R3HDM2: variants seen among roughly 807,000 people sequenced by gnomAD.
R3HDM2 encodes the protein R3H domain-containing protein 2.
Under a neutral mutation model 124.5 loss-of-function variants are expected in R3HDM2, and 38 were observed. The observed-to-expected ratio is 0.31, with a 90% CI of 0.24 to 0.40. R3HDM2 has a LOEUF of 0.40. R3HDM2 is among the 10% of genes least tolerant of loss of function. The probability of loss-of-function intolerance (pLI) is 1.00; values close to 1 mark genes in which losing one functional copy is unlikely to be tolerated. For synonymous variants in R3HDM2, 391 were observed against 448.0 expected (o/e 0.87, Z 1.61); for missense variants, 869 against 1,236.9 (o/e 0.70, Z 4.46).
chr12:57,294,328 C>T (rs2049270907), intron 10 of R3HDM2, among the ~76,000 whole-genome samples: 1 of 152,102 alleles, frequency 6.6e-6, no homozygotes, highest in Non-Finnish European at 1.5e-5. Flanking sequence ...CTGAATAATT[C>T]CTGATCCACA....
At chr12:57,298,543 T>G (rs1391345881) in intron 6 of R3HDM2, among the ~76,000 whole-genome samples, 1 of 152,186 alleles carries the variant, frequency 6.6e-6, no homozygotes, top group East Asian at 1.9e-4. Flanking sequence ...AAATATTATT[T>G]TTTAATCCTG....
intron 2 of R3HDM2, among the ~76,000 whole-genome samples, chr12:57,330,667 A>AT (rs2058021823): frequency 9.0e-6 from 1 of 110,916 alleles, no homozygotes; most frequent in African/African-American, 3.5e-5. Context: ...TTCTAAAGTG[A>AT]TTTTTTGTGG....
At chr12:57,414,232 T>C (rs931103067) in intron 1 of R3HDM2, among the ~76,000 whole-genome samples, 2 of 149,830 alleles carry the variant, frequency 1.3e-5, no homozygotes, top group Non-Finnish European at 3.0e-5. Flanking sequence ...ATGCCTGTAA[T>C]CCCAGCACTC....
chr12:57,405,550 C>A (rs879333642), intron 1 of R3HDM2, among the ~76,000 whole-genome samples: 10 of 152,044 alleles, frequency 6.6e-5, no homozygotes, highest in Non-Finnish European at 1.5e-4. Context: ...GGGAAGATGG[C>A]TTAAGCCTGG....
chr12:57,282,436 A>C (rs917896554), intron 13 of R3HDM2, among the ~76,000 whole-genome samples: 1 of 152,218 alleles, frequency 6.6e-6, no homozygotes, highest in Non-Finnish European at 1.5e-5. Flanking sequence ...AGGATGCAGA[A>C]ACGAACATTT....
rs770927929 is a variant in R3HDM2, at chr12:57,300,140, A to G, written c.249T>C (p.Cys83=). The G allele has an allele frequency of 3.2e-6, 5 of 1,551,710 alleles. No individual in the cohort carries two copies. The highest frequency in any genetic ancestry group is 4.4e-6 in the Non-Finnish European group (5 of 1,146,950). ...CAGCAAATGGGGTGGAGGACTCCTC[A>G]CACACTGCCAGGCTACGCACCAACT... ...KLKLVRSLAV[C]EESSTPFADG... The change falls in exon 5 of 24, where the codon TGT becomes TGC. Residue 83 remains cysteine (C), a synonymous_variant. Transcript: ENST00000402412.
In R3HDM2 at chr12:57,418,354, C is replaced by A. The variant is rs996031203; in HGVS notation, c.-106+12366G>T. ...AACGGGGCAAGGCCTCCAGAGCTTT[C>A]TTTTGCCTTCAGCAGAGCAACTGGC... On this transcript the variant is annotated intron_variant, in intron 1 of 23. Transcript: ENST00000402412. The A allele has an allele frequency of 8.1e-6, 8 of 985,394 alleles. No individual in the cohort carries two copies. The East Asian group carries it at 9.1e-4, about 112-fold the overall frequency. The allele number at this position is 985,394 out of a possible 1,614,324, so 61.0% of individuals were successfully genotyped here.
Position 57,292,625 on chromosome 12 carries a change from C to T in R3HDM2, c.853G>A (p.Glu285Lys). 6.5e-7 allele frequency: 1 copy of T among 1,550,310 alleles called. No homozygotes were observed. Among genetic ancestry groups the T allele is most frequent in the African/African-American group, 1.4e-5 (1 of 73,158 alleles). ...CTTTGATATTCCTCCTCTCTCTCTT[C>T]TATTGACTTGCTCCTCCTTCCATCC... is the stretch of plus-strand genomic sequence containing the variant. ...LQDGRRSKSI[E>K]EREEEYQRVR... The change falls in exon 11 of 24, where the codon GAA (glutamate) becomes AAA (lysine). Residue 285 changes from glutamate (E) to lysine (K), a missense_variant. Physicochemically the swap from Glu to Lys is moderately conservative, Grantham distance 56 (BLOSUM62 1). Transcript: ENST00000402412.
chr12:57,280,592 G>T, intron 13 of R3HDM2, 62 bp from the exon 14 acceptor site: 1 of 1,444,896 alleles, frequency 6.9e-7, no homozygotes, highest in South Asian at 1.4e-5. Context: ...ATTATCCCTG[G>T]AAGCTTAGTC....
intron 2 of R3HDM2, among the ~76,000 whole-genome samples, chr12:57,345,394 C>G (rs2059983849): frequency 6.6e-6 from 1 of 151,988 alleles, no homozygotes; most frequent in African/African-American, 2.4e-5. Flanking sequence ...TCATCATAAC[C>G]TAACAGCTAA....
chr12:57,417,398 A>G (rs1047418265), intron 1 of R3HDM2, among the ~76,000 whole-genome samples: 1 of 152,030 alleles, frequency 6.6e-6, no homozygotes, highest in Non-Finnish European at 1.5e-5. Flanking sequence ...AAAAAAAAAA[A>G]AAGAGAGAGA....
Position 57,254,697 on chromosome 12 carries a change from A to G in R3HDM2, c.*76T>C, listed in dbSNP as rs973907772. On this transcript the variant is annotated 3_prime_UTR_variant, in exon 24 of 24. Transcript: ENST00000402412. ...GTTTCCTTACTTCCTGCCTCTGTCC[A>G]TGGTCTGTCAGGATCCTTCAACCCC... The G allele has an allele frequency of 1.6e-6, 2 of 1,282,848 alleles. No individual in the cohort carries two copies. Among genetic ancestry groups the G allele is most frequent in the African/African-American group, 3.0e-5 (2 of 66,758 alleles). 79.5% of individuals were successfully genotyped at this position (1,282,848 alleles called of 1,614,324 possible).
At chr12:57,390,965 T>G (rs1026699607) in intron 2 of R3HDM2, among the ~76,000 whole-genome samples, 1 of 148,988 alleles carries the variant, frequency 6.7e-6, no homozygotes, top group African/African-American at 2.5e-5. Context: ...TGAGCCGAGA[T>G]CATGCCACTG....
chr12:57,381,541 T>A, intron 2 of R3HDM2, among the ~76,000 whole-genome samples: 1 of 33,872 alleles, frequency 3.0e-5, no homozygotes, highest in East Asian at 1.2e-3. Flanking sequence ...CAAGACTCCA[T>A]CTCAAAAAAA....
At chr12:57,313,149 A>G (rs1490739177) in intron 2 of R3HDM2, among the ~76,000 whole-genome samples, 1 of 152,144 alleles carries the variant, frequency 6.6e-6, no homozygotes, top group Non-Finnish European at 1.5e-5. Context: ...GTATGTATGT[A>G]TGTATTACCC....
intron 2 of R3HDM2, among the ~76,000 whole-genome samples, chr12:57,347,717 G>A (rs2060217659): frequency 6.6e-6 from 1 of 152,196 alleles, no homozygotes; most frequent in Non-Finnish European, 1.5e-5. Flanking sequence ...TTTTGCAACA[G>A]CAGCTGAAGC....
intron 19 of R3HDM2, among the ~76,000 whole-genome samples, chr12:57,265,655 C>T (rs2042169806): frequency 6.6e-6 from 1 of 152,178 alleles, no homozygotes; most frequent in Non-Finnish European, 1.5e-5. Context: ...AGACAGGGTC[C>T]CACTCCCTAT....
Position 57,430,995 on chromosome 12 carries a change from G to A in R3HDM2, c.-381C>T, listed in dbSNP as rs977950481. The A allele has an allele frequency of 1.3e-5, 2 of 152,366 alleles. No homozygotes were observed. The highest frequency in any genetic ancestry group is 6.5e-5 in the Admixed American group (1 of 15,282). 9.4% of individuals were successfully genotyped at this position (152,366 alleles called of 1,614,324 possible). Reference sequence around the variant, plus strand: ...AGGGGGGAGGGGAAAATCAGAAGGGGAAGAAAAGCCCAGAGTCCGCCCCCC... The same window carrying A: ...AGGGGGGAGGGGAAAATCAGAAGGGAAAGAAAAGCCCAGAGTCCGCCCCCC... On this transcript the variant is annotated 5_prime_UTR_variant, in exon 1 of 24. Coordinates refer to ENST00000402412, the MANE Select transcript of R3HDM2 (RefSeq NM_001394031.1).
intron 2 of R3HDM2, among the ~76,000 whole-genome samples, chr12:57,387,372 C>T (rs918780991): frequency 2.6e-5 from 4 of 151,926 alleles, no homozygotes; most frequent in African/African-American, 9.7e-5. Context: ...CGAACACATC[C>T]GAGCATCAGA....
Sources: allele counts gnomAD v4.1 joint callset (sites outside exome capture counted in the v4.1 genomes callset), GRCh38; gene constraint gnomAD v4.1.1; transcripts MANE v1.5; gene names NCBI Gene and HGNC (gene_info 2026-07-23, HGNC 2026-07-21).